Variants in NSRP1 observed in about 807,000 individuals in gnomAD.
NSRP1 encodes nuclear speckle splicing regulatory protein 1.
Under a neutral mutation model 54.7 loss-of-function variants are expected in NSRP1, and 24 were observed. The observed-to-expected ratio is 0.44, with a 90% CI of 0.32 to 0.62. The LOEUF (loss-of-function observed/expected upper bound fraction) is 0.62. NSRP1 is among the 20% of genes least tolerant of loss of function. The pLI is 0.06. For synonymous variants in NSRP1, 210 were observed against 213.8 expected (o/e 0.98, Z 0.15); for missense variants, 596 against 651.2 (o/e 0.92, Z 0.92).
At chr17:30,163,055 T>G (rs964682439) in intron 2 of NSRP1, 1 of 152,006 alleles carries the variant, frequency 6.6e-6, no homozygotes, top group Non-Finnish European at 1.5e-5. Flanking sequence ...AATTTTTTTT[T>G]TGTATTTTTA....
At chr17:30,123,310 G>T (rs895507397) in intron 2 of NSRP1, among the ~76,000 whole-genome samples, 8 of 151,994 alleles carry the variant, frequency 5.3e-5, no homozygotes, top group African/African-American at 9.7e-5. Flanking sequence ...TAGAGACGGG[G>T]TTTCACTATG....
intron 5 of NSRP1, among the ~76,000 whole-genome samples, chr17:30,180,392 G>A (rs993121361): frequency 5.9e-5 from 9 of 152,126 alleles, no homozygotes. Flanking sequence ...CTGAGCTCAG[G>A]TGATCCACCC....
chr17:30,145,681 GTTTA>G (rs960330328), intron 2 of NSRP1, among the ~76,000 whole-genome samples: 5 of 151,634 alleles, frequency 3.3e-5, no homozygotes, highest in African/African-American at 1.2e-4. Flanking sequence ...CTCATCAGCC[GTTTA>G]TTTATTTACT....
intron 2 of NSRP1, among the ~76,000 whole-genome samples, chr17:30,151,579 G>C (rs1234313809): frequency 1.3e-5 from 2 of 152,066 alleles, no homozygotes; most frequent in African/African-American, 4.8e-5. Context: ...CATTGAGCTA[G>C]CCGAGGAGAA....
At position 30,185,607 on chromosome 17, in the gene NSRP1, A is replaced by G; in HGVS notation, c.1610A>G (p.Asp537Gly). ...GAAGAAACTGTAATGTCAGCTAGAG[A>G]CAGGTACTTGGCCAGGCAGATGGCG... ...NNEETVMSAR[D>G]RYLARQMARV... is the part of the protein sequence containing the mutation. Residue 537 changes from aspartate (D) to glycine (G), a missense_variant, in exon 7 of 7, where the codon GAC becomes GGC. Asp to Gly is a moderately conservative substitution (Grantham distance 94). Coordinates refer to ENST00000247026, the MANE Select transcript of NSRP1 (RefSeq NM_032141.4). 1 of 1,613,802 alleles carries G rather than the reference A, an allele frequency of 6.2e-7. No homozygotes were observed. The highest frequency in any genetic ancestry group is 8.5e-7 in the Non-Finnish European group (1 of 1,179,942).
chr17:30,117,914 C>G (rs2071557267), intron 1 of NSRP1, 166 bp from the exon 2 acceptor site: 2 of 557,418 alleles, frequency 3.6e-6, no homozygotes, highest in Non-Finnish European at 6.4e-6. Context: ...AATCTTACGG[C>G]ATGTTAGAAT....
intron 5 of NSRP1, 103 bp downstream of exon 5, chr17:30,179,400 GATC>G: frequency 7.2e-7 from 1 of 1,389,242 alleles, no homozygotes; most frequent in Non-Finnish European, 9.4e-7. Flanking sequence ...ATGAGTTTGT[GATC>G]ATAATTTATA....
chr17:30,184,737 A>C lies in NSRP1; in HGVS notation c.740A>C (p.Asp247Ala). The change falls in exon 7 of 7, where the codon GAC (aspartate) becomes GCC (alanine). Residue 247 changes from aspartate (D) to alanine (A), a missense_variant. Transcript: ENST00000247026. ...AAAGTAGAGGAAAACCCAGATGCAGACAGTGACTTCGATGCTAAGAGCAGT... is the reference window on the plus strand; with the variant it reads ...AAAGTAGAGGAAAACCCAGATGCAGCCAGTGACTTCGATGCTAAGAGCAGT... ...DVKVEENPDA[D>A]SDFDAKSSAD... is the part of the protein sequence containing the mutation. 1 of 1,614,182 alleles carries C rather than the reference A, an allele frequency of 6.2e-7. No homozygotes were observed. Among genetic ancestry groups the C allele is most frequent in the Non-Finnish European group, 8.5e-7 (1 of 1,180,022 alleles).
intron 2 of NSRP1, among the ~76,000 whole-genome samples, chr17:30,123,260 G>T (rs1231985569): frequency 6.6e-6 from 1 of 152,052 alleles, no homozygotes; most frequent in African/African-American, 2.4e-5. Context: ...TGGGATTACA[G>T]GCATGTGCCA....
At chr17:30,128,332 A>C (rs1333633530) in intron 2 of NSRP1, 1 of 151,956 alleles carries the variant, frequency 6.6e-6, no homozygotes, top group African/African-American at 2.4e-5. Context: ...AAAAATAGAA[A>C]TATCTAATGA....
At chr17:30,171,967 CA>C (rs1216764027) in intron 2 of NSRP1, among the ~76,000 whole-genome samples, 14 of 135,046 alleles carry the variant, frequency 1.0e-4, no homozygotes, top group East Asian at 2.4e-4. Context: ...CACACACACA[CA>C]CACACTCCCT....
At chr17:30,123,066 C>T (rs148015808) in intron 2 of NSRP1, among the ~76,000 whole-genome samples, 1 of 138,360 alleles carries the variant, frequency 7.2e-6, no homozygotes, top group Non-Finnish European at 1.5e-5. Context: ...ACTACAGGTG[C>T]AAGCCACTGT....
chr17:30,178,786 A>T (rs1275780924), intron 4 of NSRP1, among the ~76,000 whole-genome samples: 1 of 152,122 alleles, frequency 6.6e-6, no homozygotes, highest in East Asian at 1.9e-4. Flanking sequence ...AATGTGAAAA[A>T]CTAGCAGGAA....
chr17:30,120,329 A>G (rs2071585619), intron 2 of NSRP1, among the ~76,000 whole-genome samples: 1 of 152,232 alleles, frequency 6.6e-6, no homozygotes, highest in South Asian at 2.1e-4. Context: ...TAAGAAATGA[A>G]TCAAGGTTAC....
At chr17:30,119,802 C>T (rs750353531) in intron 2 of NSRP1, among the ~76,000 whole-genome samples, 2 of 152,124 alleles carry the variant, frequency 1.3e-5, no homozygotes, top group African/African-American at 2.4e-5. Flanking sequence ...TGTGCCTGAC[C>T]GGTTTTCAGT....
At chr17:30,126,130 G>A (rs2151877081) in intron 2 of NSRP1, 1 of 152,220 alleles carries the variant, frequency 6.6e-6, no homozygotes, top group African/African-American at 2.4e-5. Flanking sequence ...TTGTCAGATT[G>A]ATCTTCCTAA....
intron 2 of NSRP1, among the ~76,000 whole-genome samples, chr17:30,159,739 A>G (rs1487828721): frequency 2.0e-5 from 3 of 151,874 alleles, no homozygotes; most frequent in African/African-American, 7.3e-5. Context: ...ACTCTTTGCA[A>G]CCTCTGCCTG....
rs552126211 is a variant in NSRP1 at position 30,117,502 on chromosome 17, T to C, written c.21-578T>C. The C allele has an allele frequency of 7.2e-6, 3 of 415,478 alleles. No individual in the cohort carries two copies. In the South Asian group the frequency reaches 2.6e-4, roughly 37 times the overall value. The allele number at this position is 415,478 out of a possible 1,614,324, so 25.7% of individuals were successfully genotyped here. A position where few individuals can be genotyped will look rare whatever the true frequency, so the allele number is the denominator to read the frequency against. Reference sequence around the variant, plus strand: ...ACTAAAGGAGTTGGATCTGATGGGATGGTTCTCTCAGATGCTCCGAGGCAA... The same window carrying C: ...ACTAAAGGAGTTGGATCTGATGGGACGGTTCTCTCAGATGCTCCGAGGCAA... On this transcript the variant is annotated intron_variant, in intron 1 of 6. Transcript: ENST00000247026.
At chr17:30,148,511 A>G (rs867296795) in intron 2 of NSRP1, among the ~76,000 whole-genome samples, 4 of 152,234 alleles carry the variant, frequency 2.6e-5, no homozygotes, top group African/African-American at 9.6e-5. Flanking sequence ...TCAGGGCTAC[A>G]TAGGGAAGAA....
Sources: gnomAD v4.1 joint callset for allele counts (sites outside exome capture counted in the v4.1 genomes callset) on GRCh38, gnomAD v4.1.1 for gene constraint, MANE v1.5 for transcripts, NCBI Gene and HGNC (gene_info 2026-07-23, HGNC 2026-07-21) for gene names.